Variants in PROM2 observed in about 807,000 individuals in gnomAD.
PROM2 encodes the protein prominin-2.
A neutral mutation model predicts 110.2 loss-of-function variants in PROM2; 90 were observed. That is an observed-to-expected ratio of 0.82 (90% CI 0.69 to 0.97). The LOEUF (loss-of-function observed/expected upper bound fraction) is 0.97. Ranked by LOEUF, PROM2 falls within the 50% of genes least tolerant of loss-of-function variation. The pLI is 0.00. For synonymous variants in PROM2, 470 were observed against 467.8 expected, an observed-to-expected ratio of 1.00 and a Z score of -0.06; for missense variants, 1,009 against 1,074.8, an observed-to-expected ratio of 0.94 and a Z score of 0.86.
At chr2:95,287,642 C>T (rs1677451671) in intron 20 of PROM2, among the ~76,000 whole-genome samples, 178 bp downstream of exon 20, 1 of 152,186 alleles carries the variant, frequency 6.6e-6, no homozygotes, top group Non-Finnish European at 1.5e-5. Context: ...CTCTGTCCAC[C>T]CCACCTCTGC....
chr2:95,284,713 G>A (rs1311137770), intron 14 of PROM2, among the ~76,000 whole-genome samples: 4 of 152,288 alleles, frequency 2.6e-5, no homozygotes, highest in Non-Finnish European at 4.4e-5. Flanking sequence ...TTTCAAACAC[G>A]TGAAATAACT....
rs1476222075 is a variant in PROM2, at chr2:95,285,687, C to T, written c.1924C>T (p.Leu642=). ...CAGCATGGAGCAGCTGGCCCAGGAGCTGCAAGGACTGGCCCAGGCCCAAGT... is the reference window on the plus strand; with the variant it reads ...CAGCATGGAGCAGCTGGCCCAGGAGTTGCAAGGACTGGCCCAGGCCCAAGT... ...KTSMEQLAQE[L]QGLAQAQDNS... is the part of the protein sequence containing the mutation. The change falls in exon 16 of 24, where the codon CTG becomes TTG. Residue 642 remains leucine, a synonymous_variant. Coordinates refer to ENST00000317620, the MANE Select transcript of PROM2 (RefSeq NM_001165978.3). 1 of 1,603,368 alleles carries T rather than the reference C, an allele frequency of 6.2e-7. No homozygotes were observed. The highest frequency in any genetic ancestry group is 8.5e-7 in the Non-Finnish European group (1 of 1,174,752).
In PROM2 at chr2:95,288,239, C is replaced by T. The variant is rs775354442; in HGVS notation, c.2273C>T (p.Pro758Leu). 6.2e-7 allele frequency: 1 copy of T among 1,614,026 alleles called. No homozygotes were observed. Among genetic ancestry groups the T allele is most frequent in the South Asian group, 1.1e-5 (1 of 91,084 alleles). Residue 758 changes from proline (P) to leucine (L), a missense_variant, in exon 21 of 24, where the codon CCC becomes CTC. Physicochemically the swap from Pro to Leu is moderately conservative, Grantham distance 98. Transcript: ENST00000317620. ...ACTCAGCGCATTGCCACCTGCCAGC[C>T]CCTCTCCGGAGCCCTGGACAACAGC... ...EVTQRIATCQ[P>L]LSGALDNSRV...
In PROM2 at chr2:95,281,669, AG is replaced by A. The variant is rs377202569; in HGVS notation, c.1552-255del. 1.6e-4 allele frequency among the ~76,000 whole-genome samples: 25 copies of A among 152,166 alleles called. 1 individual carries two copies. Among genetic ancestry groups the A allele is most frequent in the African/African-American group, 5.8e-4 (24 of 41,512 alleles). On this transcript the variant is annotated intron_variant, in intron 12 of 23. Transcript: ENST00000317620. ...GGAGCTGGGACCCTGGTGCCCGGTG[AG>A]CTGCGATGCTGGACTGGGTTCTCTG... is the stretch of plus-strand genomic sequence containing the variant.
chr2:95,283,547 G>C (rs776319772), intron 14 of PROM2, among the ~76,000 whole-genome samples: 360 of 152,302 alleles, frequency 2.4e-3, no homozygotes, highest in Non-Finnish European at 3.8e-3. Flanking sequence ...GCCCCCACCC[G>C]AGAGGGCCAG....
intron 8 of PROM2, chr2:95,278,472 G>C: frequency 1.7e-6 from 1 of 590,398 alleles, no homozygotes; most frequent in Non-Finnish European, 3.0e-6. Context: ...TGTGTGGAGG[G>C]CGGCTGAGAG....
intron 20 of PROM2, 89 bp downstream of exon 20, chr2:95,287,553 C>T: frequency 1.5e-6 from 2 of 1,357,280 alleles, no homozygotes; most frequent in Non-Finnish European, 2.1e-6. Flanking sequence ...CCCCCGGAGC[C>T]CCTTGGGGGT....
At chr2:95,288,165 T>G in intron 20 of PROM2, 46 bp from the exon 21 acceptor site, 1 of 1,589,806 alleles carries the variant, frequency 6.3e-7, no homozygotes, top group Non-Finnish European at 8.6e-7. Context: ...TGTGCGCCTG[T>G]GGGTCCAGGT....
Position 95,283,815 on chromosome 2 carries a change from A to AC in PROM2, c.1729-1154_1729-1153insC, listed in dbSNP as rs1677188357. ...CATTCATTCATTCATTCATTCACAC[A>AC]GCTAACAAACTTGTCTCCTGCCCAC... is the stretch of plus-strand genomic sequence containing the variant. On this transcript the variant is annotated intron_variant, in intron 14 of 23. Transcript: ENST00000317620. Among the ~76,000 whole-genome samples, 4 of 152,226 alleles carry AC rather than the reference A, an allele frequency of 2.6e-5. 1 individual carries two copies. The South Asian group carries it at 8.3e-4, about 32-fold the overall frequency.
At chr2:95,283,706 T>C (rs1329703719) in intron 14 of PROM2, among the ~76,000 whole-genome samples, 1 of 152,220 alleles carries the variant, frequency 6.6e-6, no homozygotes, top group East Asian at 1.9e-4. Flanking sequence ...GGGCTGACTT[T>C]TATGACCTCT....
Position 95,277,912 on chromosome 2 carries a change from C to T in PROM2, c.976-18C>T. 2 of 1,609,360 alleles carry T rather than the reference C, an allele frequency of 1.2e-6. No homozygotes were observed. The highest frequency in any genetic ancestry group is 1.7e-6 in the Non-Finnish European group (2 of 1,178,012). ...CCTCTCCATGAACTTTGTCATAACC[C>T]ACCTTCCCCCATTTCAGGTGCCCTC... On this transcript the variant is annotated intron_variant, in intron 7 of 23. Coordinates refer to ENST00000317620, the MANE Select transcript of PROM2 (RefSeq NM_001165978.3).
In PROM2 at chr2:95,284,968, G is replaced by A; in HGVS notation, c.1729-1G>A. 1.9e-6 allele frequency: 3 copies of A among 1,609,820 alleles called. No individual in the cohort carries two copies. The highest frequency in any genetic ancestry group is 2.5e-6 in the Non-Finnish European group (3 of 1,177,916). ...CTCCCACCCTGCGCCTGCTCTCCCA[G>A]TATACCAACAAGCTACGGCAGGAGT... On this transcript the variant is annotated splice_acceptor_variant, in intron 14 of 23. Transcript: ENST00000317620. LOFTEE classifies it high-confidence loss of function.
chr2:95,289,137 A>T, intron 23 of PROM2, 87 bp from the exon 24 acceptor site: 1 of 736,942 alleles, frequency 1.4e-6, no homozygotes. Context: ...GAGTCTGGGT[A>T]TTGGGTGTGG....
rs1467083981 is a variant in PROM2 at position 95,282,168 on chromosome 2, G to A, written c.1670G>A (p.Trp557Ter). Reference protein sequence around the residue: ...YQQCKEGAALWTVLQLNDSYD... With the variant: ...YQQCKEGAAL Reference sequence around the variant, plus strand: ...CAGTGCAAGGAAGGGGCAGCGCTCTGGACAGTCCTGCAGCTCAACGACTCC... The same window carrying A: ...CAGTGCAAGGAAGGGGCAGCGCTCTAGACAGTCCTGCAGCTCAACGACTCC... The change falls in exon 14 of 24, where the codon TGG becomes TAG. Residue 557 changes from tryptophan (W) to a stop codon, truncating the protein, a stop_gained. Coordinates refer to ENST00000317620, the MANE Select transcript of PROM2 (RefSeq NM_001165978.3). LOFTEE classifies it high-confidence loss of function. The A allele has an allele frequency of 3.1e-6, 5 of 1,613,892 alleles. No individual in the cohort carries two copies. Among genetic ancestry groups the A allele is most frequent in the Non-Finnish European group, 4.2e-6 (5 of 1,179,946 alleles).
intron 18 of PROM2, 64 bp downstream of exon 18, chr2:95,286,921 G>A (rs2104144341): frequency 6.4e-7 from 1 of 1,552,298 alleles, no homozygotes; most frequent in Admixed American, 1.7e-5. Flanking sequence ...GAGGAAGTAG[G>A]AGCCCATCTC....
At chr2:95,286,883 G>C in intron 18 of PROM2, 26 bp downstream of exon 18, 6 of 1,611,742 alleles carry the variant, frequency 3.7e-6, no homozygotes, top group Non-Finnish European at 4.2e-6. Flanking sequence ...GGGGACGTAT[G>C]GTGGAGCACA....
rs773793793 is a variant in PROM2 at position 95,278,711 on chromosome 2, G to T, written c.1051-10G>T. On this transcript the variant is annotated splice_polypyrimidine_tract_variant and intron_variant, in intron 8 of 23. Transcript: ENST00000317620. Reference sequence around the variant, plus strand: ...AGATGGGGAGGCCCAGCACTACTTGGTTCCTGCAGGAGAACAGCACCTTCA... The same window carrying T: ...AGATGGGGAGGCCCAGCACTACTTGTTTCCTGCAGGAGAACAGCACCTTCA... The T allele has an allele frequency of 1.2e-6, 2 of 1,614,094 alleles. No individual in the cohort carries two copies. The highest frequency in any genetic ancestry group is 8.5e-7 in the Non-Finnish European group (1 of 1,180,030).
chr2:95,287,750 C>T (rs1677455790), intron 20 of PROM2, among the ~76,000 whole-genome samples: 2 of 152,180 alleles, frequency 1.3e-5, no homozygotes, highest in Non-Finnish European at 2.9e-5. Context: ...TGGCCCTTTC[C>T]CCAGCTTGTC....
chr2:95,287,066 T>G, intron 18 of PROM2, 67 bp from the exon 19 acceptor site: 1 of 1,423,648 alleles, frequency 7.0e-7, no homozygotes, highest in Non-Finnish European at 9.9e-7. Flanking sequence ...TGTGCTGTGG[T>G]GTGTGTTGAA....
Sources: allele counts gnomAD v4.1 joint callset (sites outside exome capture counted in the v4.1 genomes callset), GRCh38; gene constraint gnomAD v4.1.1; transcripts MANE v1.5; gene names NCBI Gene and HGNC (gene_info 2026-07-23, HGNC 2026-07-21).